Variants in COL23A1 observed in about 807,000 individuals in gnomAD.
COL23A1 encodes collagen alpha-1(XXIII) chain.
In COL23A1, 97 loss-of-function variants were observed where a neutral mutation model predicts 99.3. The ratio of observed to expected loss-of-function variants is 0.98; its 90% CI spans 0.83 to 1.16. The LOEUF is 1.16. Ranked by LOEUF, COL23A1 falls within the 50% of genes most tolerant of loss-of-function variation. The pLI is 0.00. For missense variants in COL23A1, 762 were observed against 757.4 expected (o/e 1.01, Z -0.07); for synonymous variants, 320 against 308.2 (o/e 1.04, Z -0.40).
intron 2 of COL23A1, among the ~76,000 whole-genome samples, chr5:178,377,679 G>A (rs990332088): frequency 1.3e-5 from 2 of 152,180 alleles, no homozygotes; most frequent in African/African-American, 2.4e-5. Flanking sequence ...TGGGAGTGGC[G>A]TGGAGGTGGT....
At chr5:178,356,297 GAACACACTGAA>G (rs1190663411) in intron 2 of COL23A1, among the ~76,000 whole-genome samples, 2 of 152,218 alleles carry the variant, frequency 1.3e-5, no homozygotes. Flanking sequence ...GCACAATTCT[GAACACACTGAA>G]AACCACGAGT....
chr5:178,588,699 G>C (rs1027717868), intron 1 of COL23A1, among the ~76,000 whole-genome samples: 1 of 151,818 alleles, frequency 6.6e-6, no homozygotes, highest in African/African-American at 2.4e-5. Flanking sequence ...AAGTGACTAA[G>C]AAACAGGTGG....
intron 8 of COL23A1, chr5:178,265,611 A>ACAC: frequency 1.1e-6 from 1 of 932,248 alleles, no homozygotes; most frequent in Non-Finnish European, 1.3e-6. Flanking sequence ...GTTGGGGGTA[A>ACAC]CACAGCAAGC....
chr5:178,277,444 CAG>C (rs1756652187), intron 5 of COL23A1, among the ~76,000 whole-genome samples: 2 of 152,258 alleles, frequency 1.3e-5, no homozygotes. Flanking sequence ...CATAAACGTC[CAG>C]AGTTTGGGCT....
chr5:178,586,506 T>A (rs1764013321), intron 1 of COL23A1, among the ~76,000 whole-genome samples: 1 of 151,398 alleles, frequency 6.6e-6, no homozygotes, highest in Admixed American at 6.6e-5. Flanking sequence ...TGTGGAAAAG[T>A]CCAATCCAAA....
At chr5:178,409,565 T>C (rs1042497074) in intron 2 of COL23A1, among the ~76,000 whole-genome samples, 7 of 152,216 alleles carry the variant, frequency 4.6e-5, no homozygotes, top group Non-Finnish European at 7.3e-5. Context: ...CAGAGTTACA[T>C]CAGATGCAAC....
At chr5:178,418,650 C>T (rs775144195) in intron 2 of COL23A1, among the ~76,000 whole-genome samples, 1 of 152,250 alleles carries the variant, frequency 6.6e-6, no homozygotes, top group Admixed American at 6.5e-5. Context: ...CAGTGACCCA[C>T]GCTGTGGAGC....
intron 5 of COL23A1, among the ~76,000 whole-genome samples, chr5:178,274,633 G>A (rs968425244): frequency 4.6e-5 from 7 of 151,954 alleles, no homozygotes; most frequent in Admixed American, 3.3e-4. Flanking sequence ...ATAGGGCACC[G>A]GCCATCAGCT....
intron 20 of COL23A1, 127 bp downstream of exon 20, chr5:178,248,065 T>C: frequency 1.3e-6 from 1 of 765,432 alleles, no homozygotes; most frequent in Non-Finnish European, 2.2e-6. Flanking sequence ...CTCGCTCCCC[T>C]TACTCTCCCT....
chr5:178,508,468 G>A (rs942379634), intron 2 of COL23A1, among the ~76,000 whole-genome samples: 1 of 152,166 alleles, frequency 6.6e-6, no homozygotes, highest in Non-Finnish European at 1.5e-5. Flanking sequence ...TCAGAGTCTG[G>A]ATCTTGTTTA....
Position 178,238,515 on chromosome 5 carries a change from G to C in COL23A1, c.*183C>G. The stretch of plus-strand genomic sequence containing the variant: ...CTCAGGTACACATCTCCCTGGTCTG[G>C]CCTGTCCACTTTCCGGCAGCTTCAC... On this transcript the variant is annotated 3_prime_UTR_variant, in exon 29 of 29. Coordinates refer to ENST00000390654, the MANE Select transcript of COL23A1 (RefSeq NM_173465.4). The C allele has an allele frequency of 8.1e-6, 6 of 742,700 alleles. No homozygotes were observed. In the South Asian group the frequency reaches 8.7e-5, roughly 11 times the overall value. The allele number at this position is 742,700 out of a possible 1,614,324, so 46.0% of individuals were successfully genotyped here.
intron 3 of COL23A1, among the ~76,000 whole-genome samples, chr5:178,299,703 G>A (rs1226527657): frequency 6.6e-6 from 1 of 150,774 alleles, no homozygotes; most frequent in Non-Finnish European, 1.5e-5. Context: ...GGTTAAGTTT[G>A]CTCTTATTTT....
intron 2 of COL23A1, among the ~76,000 whole-genome samples, chr5:178,432,764 G>A (rs1261571962): frequency 2.0e-5 from 3 of 152,122 alleles, no homozygotes; most frequent in African/African-American, 7.2e-5. Flanking sequence ...TGGGACAGTC[G>A]TGCTGAGTGC....
At chr5:178,338,170 C>G (rs1338443647) in intron 2 of COL23A1, among the ~76,000 whole-genome samples, 1 of 152,212 alleles carries the variant, frequency 6.6e-6, no homozygotes, top group Non-Finnish European at 1.5e-5. Flanking sequence ...GTATCAGGTG[C>G]TTCTGAAAGT....
At chr5:178,398,532 TG>T (rs1269433366) in intron 2 of COL23A1, among the ~76,000 whole-genome samples, 4 of 151,780 alleles carry the variant, frequency 2.6e-5, no homozygotes, top group African/African-American at 9.7e-5. Context: ...GAGGCTAAGG[TG>T]GGAGGATTGC....
rs147511206 is a variant in COL23A1, at chr5:178,342,390, G to T, written c.362-35471C>A. Reference sequence around the variant, plus strand: ...ATCATCCTGAGTCTGTTTGCTCCATGTCTTCACCCACCTGGCCTTCACTCA... The same window carrying T: ...ATCATCCTGAGTCTGTTTGCTCCATTTCTTCACCCACCTGGCCTTCACTCA... On this transcript the variant is annotated intron_variant, in intron 2 of 28. Coordinates refer to ENST00000390654, the MANE Select transcript of COL23A1 (RefSeq NM_173465.4). 4.5e-4 allele frequency among the ~76,000 whole-genome samples: 68 copies of T among 152,298 alleles called. No individual in the cohort carries two copies. The East Asian group carries it at 0.012, about 27-fold the overall frequency.
In COL23A1 at chr5:178,428,992, G is replaced by A. The variant is rs1198827725; in HGVS notation, c.362-122073C>T. Among the ~76,000 whole-genome samples, 1 of 152,104 alleles carries A rather than the reference G, an allele frequency of 6.6e-6. No homozygotes were observed. The highest frequency in any genetic ancestry group is 1.5e-5 in the Non-Finnish European group (1 of 68,006). ...CACACCCCAGTGCTGCCCAGGCCCA[G>A]CACCCGGGGTGCGGGTGTACCTTCT... On this transcript the variant is annotated intron_variant, in intron 2 of 28. Coordinates refer to ENST00000390654, the MANE Select transcript of COL23A1 (RefSeq NM_173465.4). This position sits in a 1 kb window ranked among gnomAD's most constrained non-coding sequence, Gnocchi z 5.0.
chr5:178,390,769 T>C (rs549330510), intron 2 of COL23A1, among the ~76,000 whole-genome samples: 1 of 152,324 alleles, frequency 6.6e-6, no homozygotes, highest in East Asian at 1.9e-4. Flanking sequence ...TCACACCATA[T>C]GTAGAAATTA....
At chr5:178,246,508 A>G (rs1439496221) in intron 22 of COL23A1, 55 bp from the exon 23 acceptor site, 1 of 1,527,862 alleles carries the variant, frequency 6.5e-7, no homozygotes, top group Non-Finnish European at 8.9e-7. Context: ...AGACAGTAGG[A>G]CAGGCAAGCT....
Sources: allele counts gnomAD v4.1 joint callset (sites outside exome capture counted in the v4.1 genomes callset), GRCh38; gene constraint gnomAD v4.1.1; non-coding constraint Gnocchi (gnomAD v3.1); transcripts MANE v1.5; gene names NCBI Gene and HGNC (gene_info 2026-07-23, HGNC 2026-07-21).